Variants in SYN3 observed in about 807,000 individuals in gnomAD.
The protein encoded by SYN3 is synapsin-3.
In SYN3, 35 loss-of-function variants were observed where a neutral mutation model predicts 65.8. That is an observed-to-expected ratio of 0.53 (90% CI 0.41 to 0.70). SYN3 has a LOEUF of 0.70. Among genes scored for constraint, SYN3 ranks in the 30% least tolerant of loss-of-function variants. SYN3 has a pLI of 0.00. For synonymous variants in SYN3, 270 were observed against 292.9 expected (o/e 0.92, Z 0.80); for missense variants, 680 against 749.0 (o/e 0.91, Z 1.08).
At chr22:32,846,503 T>G (rs542147117) in intron 6 of SYN3, among the ~76,000 whole-genome samples, 83 of 152,326 alleles carry the variant, frequency 5.4e-4, no homozygotes, top group African/African-American at 2.0e-3. Context: ...AGGTTTGGGA[T>G]GGACTACATA....
chr22:33,028,443 C>G (rs1041619485), intron 1 of SYN3, among the ~76,000 whole-genome samples: 1 of 152,176 alleles, frequency 6.6e-6, no homozygotes, highest in Non-Finnish European at 1.5e-5. Context: ...TGCAGCTGCC[C>G]GCACAGCCAG....
chr22:32,725,545 G>A (rs1279442780), intron 6 of SYN3, among the ~76,000 whole-genome samples: 2 of 152,154 alleles, frequency 1.3e-5, no homozygotes, highest in Non-Finnish European at 2.9e-5. Flanking sequence ...TGCATTCTAC[G>A]CGTGGGCTGA....
intron 2 of SYN3, among the ~76,000 whole-genome samples, chr22:32,996,877 G>A (rs985031799): frequency 6.6e-6 from 1 of 152,210 alleles, no homozygotes; most frequent in Non-Finnish European, 1.5e-5. Flanking sequence ...GAGGTGGGGC[G>A]CCTTCTTCTG....
chr22:32,738,100 C>A (rs138854813), intron 6 of SYN3, among the ~76,000 whole-genome samples: 3 of 152,320 alleles, frequency 2.0e-5, no homozygotes, highest in South Asian at 4.1e-4. Flanking sequence ...ACTTGTTTAA[C>A]GTTGACCCCG....
intron 2 of SYN3, among the ~76,000 whole-genome samples, chr22:33,006,013 AG>A (rs2053186453): frequency 6.6e-6 from 1 of 152,246 alleles, no homozygotes; most frequent in Non-Finnish European, 1.5e-5. Context: ...AAACACACTT[AG>A]TATAATTATA....
intron 1 of SYN3, among the ~76,000 whole-genome samples, chr22:33,039,220 T>C (rs1200243893): frequency 2.6e-5 from 4 of 152,130 alleles, no homozygotes; most frequent in African/African-American, 9.7e-5. Flanking sequence ...ACCCGGGCAG[T>C]ACGGTGTGGA....
At chr22:32,549,999 A>G (rs2058389099) in intron 7 of SYN3, among the ~76,000 whole-genome samples, 1 of 152,184 alleles carries the variant, frequency 6.6e-6, no homozygotes, top group Non-Finnish European at 1.5e-5. Flanking sequence ...CACTGTATAT[A>G]TCTTGTTTTT....
intron 6 of SYN3, among the ~76,000 whole-genome samples, chr22:32,756,789 G>A (rs908045150): frequency 2.0e-5 from 3 of 152,166 alleles, no homozygotes; most frequent in Non-Finnish European, 4.4e-5. Context: ...AGCAGGTGTC[G>A]GGGCCAGTCC....
chr22:32,905,381 A>G lies in SYN3; in HGVS notation c.461+26009T>C, dbSNP rs147876084. Among the ~76,000 whole-genome samples the G allele has an allele frequency of 1.4e-4, 21 of 152,334 alleles. No individual in the cohort carries two copies. In the East Asian group the frequency reaches 2.7e-3, roughly 20 times the overall value. On this transcript the variant is annotated intron_variant, in intron 4 of 13. Coordinates refer to ENST00000358763, the MANE Select transcript of SYN3 (RefSeq NM_003490.4). The stretch of plus-strand genomic sequence containing the variant: ...GACAAAAACCACACTTAGGGAACCA[A>G]TAAATGTCCCAGAGCATAAGGCAAA...
intron 13 of SYN3, chr22:32,514,360 CG>C: frequency 6.6e-6 from 1 of 152,474 alleles, no homozygotes; most frequent in Non-Finnish European, 1.5e-5. Context: ...ATCTGTAGAG[CG>C]AAGGGTTTGT....
At chr22:32,882,348 G>A (rs2049164777) in intron 4 of SYN3, among the ~76,000 whole-genome samples, 1 of 152,070 alleles carries the variant, frequency 6.6e-6, no homozygotes, top group Admixed American at 6.6e-5. Context: ...TGCAGGGAAG[G>A]GTGTAGACAG....
intron 6 of SYN3, among the ~76,000 whole-genome samples, chr22:32,803,151 A>AGT (rs200115311): frequency 2.6e-5 from 4 of 151,442 alleles, no homozygotes; most frequent in East Asian, 3.9e-4. Flanking sequence ...CTGCTGGGAG[A>AGT]GTGTGTGTGT....
chr22:32,919,735 T>G (rs560847642), intron 4 of SYN3, among the ~76,000 whole-genome samples: 25 of 152,312 alleles, frequency 1.6e-4, no homozygotes, highest in African/African-American at 6.0e-4. Flanking sequence ...AAAATTAAGT[T>G]TCTTGATGGG....
rs192267266 is a variant in SYN3 at position 32,528,853 on chromosome 22, C to T, written c.1230+21G>A. The T allele has an allele frequency of 3.1e-4, 502 of 1,613,972 alleles. 3 individuals carry two copies. The African/African-American group carries it at 5.9e-3, about 19-fold the overall frequency. Reference sequence around the variant, plus strand: ...GCATTTCTCATGGCTATAAAGTCTCCTTTGATCGTGAGGGTCTTACCCAAG... The same window carrying T: ...GCATTTCTCATGGCTATAAAGTCTCTTTTGATCGTGAGGGTCTTACCCAAG... On this transcript the variant is annotated intron_variant, in intron 11 of 13. Coordinates refer to ENST00000358763, the MANE Select transcript of SYN3 (RefSeq NM_003490.4).
intron 6 of SYN3, chr22:32,858,187 C>T: frequency 6.2e-7 from 1 of 1,606,520 alleles, no homozygotes; most frequent in Non-Finnish European, 8.5e-7. Flanking sequence ...TGACTTGCAG[C>T]CCTAGAAACA....
intron 6 of SYN3, among the ~76,000 whole-genome samples, chr22:32,685,949 T>C (rs1333756983): frequency 6.6e-6 from 1 of 152,164 alleles, no homozygotes; most frequent in Non-Finnish European, 1.5e-5. Context: ...GTGCCTGTTA[T>C]AGTATTAGTG....
chr22:32,771,593 G>A (rs1395452628), intron 6 of SYN3, among the ~76,000 whole-genome samples: 1 of 152,208 alleles, frequency 6.6e-6, no homozygotes, highest in East Asian at 1.9e-4. Context: ...ATATCTGCCT[G>A]CCTCCCTCAC....
At chr22:33,056,518 A>G (rs1298403852) in intron 1 of SYN3, among the ~76,000 whole-genome samples, 2 of 152,144 alleles carry the variant, frequency 1.3e-5, no homozygotes, top group Non-Finnish European at 2.9e-5. Context: ...GCCTGCACCC[A>G]CTGGCTGATC....
At chr22:32,681,452 C>T (rs562751922) in intron 6 of SYN3, among the ~76,000 whole-genome samples, 10 of 152,310 alleles carry the variant, frequency 6.6e-5, no homozygotes, top group Admixed American at 5.9e-4. Context: ...TACACTTTCA[C>T]CTACATGTCC....
Sources: allele counts gnomAD v4.1 joint callset (sites outside exome capture counted in the v4.1 genomes callset), GRCh38; gene constraint gnomAD v4.1.1; transcripts MANE v1.5; gene names NCBI Gene and HGNC (gene_info 2026-07-23, HGNC 2026-07-21).